ATP2C2: variants seen among roughly 807,000 people sequenced by gnomAD.
ATP2C2 encodes calcium-transporting ATPase type 2C member 2.
ATP2C2 carries 171 observed loss-of-function variants against 110.8 expected under a neutral mutation model. That is an observed-to-expected ratio of 1.54 (90% confidence interval 1.36 to 1.75). ATP2C2 has a LOEUF of 1.75. Among genes scored for constraint, ATP2C2 ranks in the 40% most tolerant of loss-of-function variants. The probability of loss-of-function intolerance (pLI) is 0.00; values close to 1 mark genes in which losing one functional copy is unlikely to be tolerated. For missense variants in ATP2C2, 1,963 were observed against 1,235.0 expected (o/e 1.59, Z -8.84); for synonymous variants, 804 against 508.4 (o/e 1.58, Z -7.82).
At chr16:84,406,064 C>T (rs1277993632) in intron 3 of ATP2C2, among the ~76,000 whole-genome samples, 4 of 152,186 alleles carry the variant, frequency 2.6e-5, no homozygotes, top group Non-Finnish European at 5.9e-5. Context: ...TACTGGGTGT[C>T]CTACTGTAAC....
intron 11 of ATP2C2, among the ~76,000 whole-genome samples, chr16:84,428,921 C>T (rs1030894202): frequency 1.3e-5 from 2 of 152,158 alleles, no homozygotes; most frequent in African/African-American, 4.8e-5. Context: ...GAAAATGATG[C>T]AGTGGTGCTG....
intron 1 of ATP2C2, among the ~76,000 whole-genome samples, chr16:84,393,317 T>A (rs2151411136): frequency 6.6e-6 from 1 of 152,212 alleles, no homozygotes; most frequent in Admixed American, 6.5e-5. Flanking sequence ...CAGGTAAGCA[T>A]CCCAGGTAGG....
intron 6 of ATP2C2, among the ~76,000 whole-genome samples, chr16:84,412,824 G>A (rs149365585): frequency 7.9e-5 from 12 of 152,138 alleles, no homozygotes; most frequent in South Asian, 4.2e-4. Flanking sequence ...AGCCGGGCGC[G>A]GTGGCTCACA....
At chr16:84,400,625 C>T (rs368638572) in intron 2 of ATP2C2, among the ~76,000 whole-genome samples, 31 of 152,182 alleles carry the variant, frequency 2.0e-4, no homozygotes, top group East Asian at 7.7e-4. Flanking sequence ...CCGCGCCCAG[C>T]GTATTTTTAG....
At chr16:84,386,043 T>C (rs1182748273) in intron 1 of ATP2C2, among the ~76,000 whole-genome samples, 1 of 152,232 alleles carries the variant, frequency 6.6e-6, no homozygotes. Context: ...CCTCTTGACA[T>C]TTTTTACGTT....
At chr16:84,389,619 G>A (rs113661121) in intron 1 of ATP2C2, among the ~76,000 whole-genome samples, 12 of 152,184 alleles carry the variant, frequency 7.9e-5, no homozygotes, top group Admixed American at 6.5e-4. Flanking sequence ...CTAAGGACGA[G>A]GACTCCTGCT....
Position 84,371,050 on chromosome 16 carries a change from A to G in ATP2C2, c.99+2336A>G, listed in dbSNP as rs906238454. Among the ~76,000 whole-genome samples, 12 of 152,318 alleles carry G rather than the reference A, an allele frequency of 7.9e-5. No homozygotes were observed. In the East Asian group the frequency reaches 1.2e-3, roughly 15 times the overall value. On this transcript the variant is annotated intron_variant, in intron 1 of 26. Coordinates refer to ENST00000262429, the MANE Select transcript of ATP2C2 (RefSeq NM_014861.4). ...AAAACAAAGTTCATAAAGGAGGCCAATGGTCAGCTGAGAAACTGGGAGATG... is the reference window on the plus strand; with the variant it reads ...AAAACAAAGTTCATAAAGGAGGCCAGTGGTCAGCTGAGAAACTGGGAGATG...
intron 11 of ATP2C2, 43 bp downstream of exon 11, chr16:84,425,844 A>C: frequency 6.3e-7 from 1 of 1,599,860 alleles, no homozygotes; most frequent in Non-Finnish European, 8.6e-7. Context: ...AGGGTGGTCA[A>C]TGGGCTCTGA....
chr16:84,444,365 C>T (rs1015869075), intron 15 of ATP2C2, among the ~76,000 whole-genome samples: 9 of 151,922 alleles, frequency 5.9e-5, no homozygotes, highest in Non-Finnish European at 1.0e-4. Flanking sequence ...CCCAGCTACT[C>T]GGGAGGCTGA....
intron 1 of ATP2C2, among the ~76,000 whole-genome samples, chr16:84,385,817 G>A (rs9922751): frequency 0.23 from 34,452 of 152,008 alleles, 4,063 homozygotes; most frequent in Middle Eastern, 0.26. Context: ...AACCACTCCC[G>A]CCATCTAATC....
At chr16:84,460,467 T>A (rs752877617) in intron 23 of ATP2C2, 187 bp from the exon 24 acceptor site, 1 of 780,048 alleles carries the variant, frequency 1.3e-6, no homozygotes. Flanking sequence ...CAGCTGCCCA[T>A]GGACCCAGGC....
intron 15 of ATP2C2, among the ~76,000 whole-genome samples, chr16:84,445,021 C>G (rs1183906277): frequency 6.6e-6 from 1 of 152,140 alleles, no homozygotes; most frequent in East Asian, 1.9e-4. Flanking sequence ...CACACTGAAA[C>G]ACAGCTCTGT....
chr16:84,375,331 C>T lies in ATP2C2; in HGVS notation c.99+6617C>T, dbSNP rs541859144. Among the ~76,000 whole-genome samples the T allele has an allele frequency of 3.3e-5, 5 of 152,250 alleles. No homozygotes were observed. The East Asian group carries it at 9.7e-4, about 29-fold the overall frequency. The stretch of plus-strand genomic sequence containing the variant: ...CCCAGGTGCGTGGATCACTTGAGGT[C>T]AGGAGTTCGAGACCAGCCTGACCAA... On this transcript the variant is annotated intron_variant, in intron 1 of 26. Coordinates refer to ENST00000262429, the MANE Select transcript of ATP2C2 (RefSeq NM_014861.4).
chr16:84,373,092 C>A (rs1253884700), intron 1 of ATP2C2, among the ~76,000 whole-genome samples: 1 of 149,908 alleles, frequency 6.7e-6, no homozygotes, highest in Non-Finnish European at 1.5e-5. Context: ...TGCACTCCAG[C>A]CTGGAAGACA....
In ATP2C2 at chr16:84,452,050, AGAT is replaced by A. The variant is rs781089897; in HGVS notation, c.1794_1796del (p.Met598del). ...CTCTCCGAGTCTGGTGTGTCTGTGAAGATGATAACGGGGGATGCCCTGGAGACG... is the reference window on the plus strand; with the variant it reads ...CTCTCCGAGTCTGGTGTGTCTGTGAAGATAACGGGGGATGCCCTGGAGACG... On this transcript the variant is annotated inframe_deletion, in exon 18 of 27. Coordinates refer to ENST00000262429, the MANE Select transcript of ATP2C2 (RefSeq NM_014861.4). The A allele has an allele frequency of 7.4e-6, 12 of 1,613,750 alleles. No individual in the cohort carries two copies. Among genetic ancestry groups the A allele is most frequent in the East Asian group, 2.2e-5 (1 of 44,842 alleles).
intron 1 of ATP2C2, among the ~76,000 whole-genome samples, chr16:84,371,461 T>C (rs1254829080): frequency 6.6e-6 from 1 of 152,198 alleles, no homozygotes; most frequent in Non-Finnish European, 1.5e-5. Context: ...GTTGTGATCA[T>C]GCCACTGTGC....
intron 10 of ATP2C2, among the ~76,000 whole-genome samples, chr16:84,425,083 T>C (rs1311028100): frequency 6.6e-6 from 1 of 152,040 alleles, no homozygotes; most frequent in Non-Finnish European, 1.5e-5. Flanking sequence ...CCCCCCTCAA[T>C]ACATACACAC....
At position 84,405,468 on chromosome 16, in the gene ATP2C2, G is replaced by A. The variant is rs549635736; in HGVS notation, c.327+224G>A. ...TTTCGTAGACAGTTGAGCAGGCCCC[G>A]GGCCCCACGCTATATGAGTAAGTGA... On this transcript the variant is annotated intron_variant, in intron 3 of 26. Coordinates refer to ENST00000262429, the MANE Select transcript of ATP2C2 (RefSeq NM_014861.4). Among the ~76,000 whole-genome samples the A allele has an allele frequency of 4.9e-4, 75 of 152,078 alleles. 1 individual carries two copies. Among genetic ancestry groups the A allele is most frequent in the African/African-American group, 1.7e-3 (70 of 41,514 alleles).
chr16:84,459,467 A>G, intron 23 of ATP2C2, 81 bp downstream of exon 23: 1 of 1,602,638 alleles, frequency 6.2e-7, no homozygotes, highest in South Asian at 1.1e-5. Context: ...CTGTGCCCCA[A>G]GGCTATAGGG....
Sources: gnomAD v4.1 joint callset for allele counts (sites outside exome capture counted in the v4.1 genomes callset) on GRCh38, gnomAD v4.1.1 for gene constraint, MANE v1.5 for transcripts, NCBI Gene and HGNC (gene_info 2026-07-23, HGNC 2026-07-21) for gene names.